Variants in ZFHX3 observed in about 807,000 individuals in gnomAD.
ZFHX3 encodes zinc finger homeobox protein 3.
In ZFHX3, 42 loss-of-function variants were observed where a neutral mutation model predicts 279.1. The ratio of observed to expected loss-of-function variants is 0.15; its 90% CI spans 0.12 to 0.19. The LOEUF (loss-of-function observed/expected upper bound fraction) is 0.19. ZFHX3 is among the 10% of genes least tolerant of loss of function. The pLI, the probability that ZFHX3 is intolerant of heterozygous loss-of-function variation, is 1.00. For synonymous variants in ZFHX3, 2,293 were observed against 1,957.8 expected (o/e 1.17, Z -4.52); for missense variants, 4,981 against 4,754.0 (o/e 1.05, Z -1.40).
At chr16:73,454,874 G>T (rs915433502) in intron 3 of ZFHX3, among the ~76,000 whole-genome samples, 2 of 151,024 alleles carry the variant, frequency 1.3e-5, no homozygotes, top group African/African-American at 2.4e-5. Context: ...ACAGTGTTGG[G>T]AAAGCTAGGA....
At chr16:73,489,535 G>T (rs371264655) in intron 2 of ZFHX3, among the ~76,000 whole-genome samples, 9 of 152,262 alleles carry the variant, frequency 5.9e-5, no homozygotes, top group African/African-American at 1.9e-4. Context: ...CTTATTACCT[G>T]ATGCATTAGA....
chr16:73,030,100 T>A (rs61180673), intron 1 of ZFHX3, among the ~76,000 whole-genome samples: 2 of 152,200 alleles, frequency 1.3e-5, no homozygotes, highest in African/African-American at 4.8e-5. Context: ...TATTCACAAA[T>A]TTTTTAAAAG....
At chr16:73,551,019 G>T (rs1168367622) in intron 2 of ZFHX3, among the ~76,000 whole-genome samples, 2 of 152,144 alleles carry the variant, frequency 1.3e-5, no homozygotes, top group Non-Finnish European at 2.9e-5. Context: ...CATTCAAAGG[G>T]TGAATTAATA....
intron 5 of ZFHX3, among the ~76,000 whole-genome samples, chr16:73,209,574 C>T (rs1361568978): frequency 6.6e-6 from 1 of 152,160 alleles, no homozygotes; most frequent in Non-Finnish European, 1.5e-5. Flanking sequence ...AAGCACTTCC[C>T]ATTAGGTCCC....
At chr16:73,813,817 A>G (rs1223467428) in intron 1 of ZFHX3, 1 of 152,236 alleles carries the variant, frequency 6.6e-6, no homozygotes, top group East Asian at 1.9e-4. Context: ...GGAGACACAG[A>G]TCATGGCTAT....
At chr16:73,478,131 C>T (rs936820420) in intron 2 of ZFHX3, among the ~76,000 whole-genome samples, 1 of 151,800 alleles carries the variant, frequency 6.6e-6, no homozygotes. Flanking sequence ...CCTAGCTGGG[C>T]GTGGTGGTCC....
At chr16:72,840,428 A>T (rs2037317783) in intron 4 of ZFHX3, among the ~76,000 whole-genome samples, 1 of 152,242 alleles carries the variant, frequency 6.6e-6, no homozygotes, top group African/African-American at 2.4e-5. Flanking sequence ...TGCAGGCCCA[A>T]GGCATTTGCA....
In ZFHX3 at chr16:73,613,686, C is replaced by A. The variant is rs184406965; in HGVS notation, c.-1547+66494G>T. On this transcript the variant is annotated intron_variant, in intron 2 of 17. Transcript: ENST00000641206. ...GGTCCTAAATGGAGTATTATAGCTACTTTGAAATGTTTCTGGAGGGTCCAT... is the reference window on the plus strand; with the variant it reads ...GGTCCTAAATGGAGTATTATAGCTAATTTGAAATGTTTCTGGAGGGTCCAT... Among the ~76,000 whole-genome samples, 7 of 152,340 alleles carry A rather than the reference C, an allele frequency of 4.6e-5. No individual in the cohort carries two copies. In the East Asian group the frequency reaches 1.3e-3, roughly 29 times the overall value.
intron 1 of ZFHX3, among the ~76,000 whole-genome samples, chr16:73,790,001 C>T (rs993829811): frequency 6.6e-6 from 1 of 152,058 alleles, no homozygotes; most frequent in Non-Finnish European, 1.5e-5. Flanking sequence ...GTTGTGTCAG[C>T]GTTTCCATTA....
intron 2 of ZFHX3, among the ~76,000 whole-genome samples, chr16:73,647,075 C>T (rs2052625625): frequency 6.8e-6 from 1 of 147,386 alleles, no homozygotes; most frequent in Non-Finnish European, 1.5e-5. Context: ...GTGTGTGGCG[C>T]GATCTCGGCG....
At chr16:72,839,507 C>G (rs1261495610) in intron 4 of ZFHX3, among the ~76,000 whole-genome samples, 3 of 152,080 alleles carry the variant, frequency 2.0e-5, no homozygotes, top group Admixed American at 1.3e-4. Context: ...GGGTGTCCCC[C>G]ATCTCGTTAA....
At chr16:73,796,668 C>G (rs1184929679) in intron 1 of ZFHX3, 2 of 152,276 alleles carry the variant, frequency 1.3e-5, no homozygotes, top group African/African-American at 2.4e-5. Context: ...AGCAGCAGGT[C>G]AAGGTCAGCC....
intron 1 of ZFHX3, among the ~76,000 whole-genome samples, chr16:73,780,897 T>G (rs1029931204): frequency 5.3e-5 from 8 of 152,252 alleles, no homozygotes; most frequent in African/African-American, 1.9e-4. Flanking sequence ...AAAGGCTGCT[T>G]TTTTAGATAC....
intron 2 of ZFHX3, among the ~76,000 whole-genome samples, chr16:73,631,390 T>C (rs2052467463): frequency 6.6e-6 from 1 of 152,210 alleles, no homozygotes; most frequent in African/African-American, 2.4e-5. Context: ...TTCAAACCAG[T>C]AGTTTTTATA....
chr16:73,302,663 C>T (rs2015083929), intron 4 of ZFHX3, among the ~76,000 whole-genome samples: 1 of 152,112 alleles, frequency 6.6e-6, no homozygotes, highest in African/African-American at 2.4e-5. Context: ...TAGCTTTCTC[C>T]CCTTTTGTAT....
chr16:73,841,917 G>T (rs1418409301), intron 1 of ZFHX3, among the ~76,000 whole-genome samples: 5 of 151,782 alleles, frequency 3.3e-5, no homozygotes, highest in Admixed American at 2.0e-4. Context: ...TACTTTATAT[G>T]AAAAACAATG....
At chr16:73,742,307 G>C (rs1044109635) in intron 1 of ZFHX3, among the ~76,000 whole-genome samples, 2 of 152,092 alleles carry the variant, frequency 1.3e-5, no homozygotes, top group African/African-American at 4.8e-5. Flanking sequence ...ACCTCTAAAA[G>C]GATAGAGAGC....
At chr16:73,725,135 A>C (rs562520574) in intron 1 of ZFHX3, among the ~76,000 whole-genome samples, 9 of 152,360 alleles carry the variant, frequency 5.9e-5, no homozygotes, top group Non-Finnish European at 1.3e-4. Flanking sequence ...TAAATCTGAC[A>C]AACATCTGGT....
intron 7 of ZFHX3, among the ~76,000 whole-genome samples, chr16:73,102,973 G>A (rs186006875): frequency 4.7e-4 from 72 of 152,216 alleles, no homozygotes; most frequent in Admixed American, 3.3e-3. Context: ...TGCCCTAGCT[G>A]GAGTGTGGTG....
Sources: gnomAD v4.1 joint callset for allele counts (sites outside exome capture counted in the v4.1 genomes callset) on GRCh38, gnomAD v4.1.1 for gene constraint, MANE v1.5 for transcripts, NCBI Gene and HGNC (gene_info 2026-07-23, HGNC 2026-07-21) for gene names.